LPCAT1: variants seen among roughly 807,000 people sequenced by gnomAD.
LPCAT1 encodes the protein 1-acylglycerol-3-phosphate O-acyltransferase.
Under a neutral mutation model 60.9 loss-of-function variants are expected in LPCAT1, and 23 were observed. That is an observed-to-expected ratio of 0.38 (90% confidence interval 0.27 to 0.53). The LOEUF is 0.53. LPCAT1 is among the 20% of genes least tolerant of loss of function. The pLI is 0.82. For synonymous variants in LPCAT1, 340 were observed against 301.1 expected, an observed-to-expected ratio of 1.13 and a Z score of -1.34; for missense variants, 622 against 723.6, an observed-to-expected ratio of 0.86 and a Z score of 1.61.
At position 1,523,169 on chromosome 5, in the gene LPCAT1, C is replaced by T. The variant is rs767047357; in HGVS notation, c.135+541G>A. 1.1e-4 allele frequency among the ~76,000 whole-genome samples: 16 copies of T among 151,866 alleles called. No individual in the cohort carries two copies. The highest frequency in any genetic ancestry group is 1.8e-4 in the Non-Finnish European group (12 of 67,906). ...CCCGCACCGCCCGCGCGCCCTGTCC[C>T]GGGCACCACCAGGCCCCGCACACGA... On this transcript the variant is annotated intron_variant, in intron 1 of 13. Coordinates refer to ENST00000283415, the MANE Select transcript of LPCAT1 (RefSeq NM_024830.5). The surrounding 1 kb of genome is among the most constrained non-coding windows in gnomAD (Gnocchi z 7.1).
In LPCAT1 at chr5:1,521,684, C is replaced by G. The variant is rs1014624790; in HGVS notation, c.135+2026G>C. 1.3e-5 allele frequency among the ~76,000 whole-genome samples: 2 copies of G among 152,196 alleles called. No homozygotes were observed. The highest frequency in any genetic ancestry group is 2.9e-5 in the Non-Finnish European group (2 of 68,032). ...CTCTGAAGTGGCAACAAAGCAAGCC[C>G]CCTCTCTGAGAGGCCCCAACACCTC... On this transcript the variant is annotated intron_variant, in intron 1 of 13. Coordinates refer to ENST00000283415, the MANE Select transcript of LPCAT1 (RefSeq NM_024830.5). The surrounding 1 kb of genome is among the most constrained non-coding windows in gnomAD (Gnocchi z 4.3).
intron 2 of LPCAT1, among the ~76,000 whole-genome samples, chr5:1,499,410 C>T (rs1241950276): frequency 6.6e-6 from 1 of 152,228 alleles, no homozygotes; most frequent in Non-Finnish European, 1.5e-5. Context: ...CTGCTTCACA[C>T]TACAGAACCC....
intron 1 of LPCAT1, among the ~76,000 whole-genome samples, chr5:1,514,339 G>A (rs116737947): frequency 0.077 from 11,696 of 152,320 alleles, 554 homozygotes; most frequent in African/African-American, 0.14. Flanking sequence ...ACAGCAGCAC[G>A]AGGGGCCATC....
chr5:1,485,418 C>T (rs1464556133), intron 5 of LPCAT1, among the ~76,000 whole-genome samples: 1 of 152,218 alleles, frequency 6.6e-6, no homozygotes, highest in Non-Finnish European at 1.5e-5. Flanking sequence ...CAAGATGAGG[C>T]AGTCAGAGCC....
chr5:1,515,220 G>T (rs371948986), intron 1 of LPCAT1, among the ~76,000 whole-genome samples: 40 of 147,972 alleles, frequency 2.7e-4, no homozygotes, highest in South Asian at 4.3e-4. Flanking sequence ...CCAGCCTGCC[G>T]GCCCTTCCTA....
intron 11 of LPCAT1, among the ~76,000 whole-genome samples, chr5:1,472,362 G>A (rs1734717765): frequency 6.6e-6 from 1 of 152,076 alleles, no homozygotes; most frequent in South Asian, 2.1e-4. Flanking sequence ...GGTCCCTGAA[G>A]GTCTTCTGAG....
chr5:1,522,126 G>A lies in LPCAT1; in HGVS notation c.135+1584C>T, dbSNP rs1261648933. ...CTGGGGCAGGAGCAGGGCTGGGGAA[G>A]CCCTGGAAACCACAGCAGGGGTTCG... On this transcript the variant is annotated intron_variant, in intron 1 of 13. Transcript: ENST00000283415. The surrounding 1 kb of genome is among the most constrained non-coding windows in gnomAD (Gnocchi z 6.8). Among the ~76,000 whole-genome samples the A allele has an allele frequency of 6.6e-6, 1 of 152,200 alleles. No homozygotes were observed. Among genetic ancestry groups the A allele is most frequent in the Non-Finnish European group, 1.5e-5 (1 of 68,030 alleles).
intron 1 of LPCAT1, among the ~76,000 whole-genome samples, chr5:1,501,952 G>T (rs1392676661): frequency 6.6e-6 from 1 of 152,060 alleles, no homozygotes; most frequent in Admixed American, 6.6e-5. Flanking sequence ...GACCAAGGCT[G>T]ACCGGCACTG....
intron 1 of LPCAT1, among the ~76,000 whole-genome samples, chr5:1,513,317 T>C (rs1462114732): frequency 1.3e-5 from 2 of 152,036 alleles, no homozygotes; most frequent in South Asian, 2.1e-4. Flanking sequence ...ACGTCCCCCA[T>C]GTCCAACCTG....
chr5:1,488,347 C>A (rs1314008697), intron 5 of LPCAT1, 44 bp downstream of exon 5: 1 of 1,230,222 alleles, frequency 8.1e-7, no homozygotes, highest in South Asian at 1.3e-5. Context: ...TTAATATTTT[C>A]CTTTTCTCTA....
At position 1,473,961 on chromosome 5, in the gene LPCAT1, TCGAA is replaced by T; in HGVS notation, c.1171_1174del (p.Phe391ThrfsTer65). The T allele has an allele frequency of 6.2e-7, 1 of 1,614,132 alleles. No homozygotes were observed. Among genetic ancestry groups the T allele is most frequent in the Non-Finnish European group, 8.5e-7 (1 of 1,180,006 alleles). Reference sequence around the variant, plus strand: ...TCCGCAGGCGACAGGCCCTACCTCGTCGAACAGTGAAAACATGTCTTCCAGCAAG... The same window carrying T: ...TCCGCAGGCGACAGGCCCTACCTCGTCAGTGAAAACATGTCTTCCAGCAAG... On this transcript the variant is annotated frameshift_variant, in exon 11 of 14. Coordinates refer to ENST00000283415, the MANE Select transcript of LPCAT1 (RefSeq NM_024830.5). LOFTEE classifies it high-confidence loss of function.
At chr5:1,520,755 C>T (rs1457647851) in intron 1 of LPCAT1, among the ~76,000 whole-genome samples, 1 of 149,754 alleles carries the variant, frequency 6.7e-6, no homozygotes, top group East Asian at 2.0e-4. Context: ...CCCAGCTACT[C>T]GGGAGGCTGA....
chr5:1,497,916 C>T (rs1451599387), intron 2 of LPCAT1, among the ~76,000 whole-genome samples: 2 of 152,180 alleles, frequency 1.3e-5, no homozygotes, highest in African/African-American at 4.8e-5. Flanking sequence ...AGGACTTGGC[C>T]CGTGGTCAAG....
rs1290152025 is a variant in LPCAT1, at chr5:1,523,923, C to CGGGGCGCGGGCCGA, written c.-93_-80dup. On this transcript the variant is annotated 5_prime_UTR_variant, in exon 1 of 14. Transcript: ENST00000283415. This position sits in a 1 kb window ranked among gnomAD's most constrained non-coding sequence, Gnocchi z 7.1. Reference sequence around the variant, plus strand: ...GCCGGGGCTAGCTGGGCGCGGGTCTCGGGGCGCGGGCCGAGGATGCGCGGC... The same window carrying CGGGGCGCGGGCCGA: ...GCCGGGGCTAGCTGGGCGCGGGTCTCGGGGCGCGGGCCGAGGGGCGCGGGCCGAGGATGCGCGGC... 34 of 950,548 alleles carry CGGGGCGCGGGCCGA rather than the reference C, an allele frequency of 3.6e-5. No homozygotes were observed. The African/African-American group carries it at 5.2e-4, about 15-fold the overall frequency. The allele number at this position is 950,548 out of a possible 1,614,324, so 58.9% of individuals were successfully genotyped here.
At chr5:1,464,875 A>ACG (rs1734278009) in intron 13 of LPCAT1, among the ~76,000 whole-genome samples, 1 of 69,346 alleles carries the variant, frequency 1.4e-5, no homozygotes, top group African/African-American at 5.6e-5. Context: ...ACATGCGTGT[A>ACG]CACACAAACA....
chr5:1,519,945 G>A (rs1246738547), intron 1 of LPCAT1, among the ~76,000 whole-genome samples: 1 of 152,212 alleles, frequency 6.6e-6, no homozygotes, highest in Non-Finnish European at 1.5e-5. Context: ...CGGGTACACT[G>A]CCCAGGGCTC....
In LPCAT1 at chr5:1,502,224, C is replaced by G. The variant is rs1736042256; in HGVS notation, c.136-621G>C. Among the ~76,000 whole-genome samples, 1 of 152,184 alleles carries G rather than the reference C, an allele frequency of 6.6e-6. No homozygotes were observed. Among genetic ancestry groups the G allele is most frequent in the Non-Finnish European group, 1.5e-5 (1 of 68,030 alleles). ...CTGACGCACAGCACACAACCCCAGG[C>G]AGCTCCACCCCGCAGGACGCACCCC... On this transcript the variant is annotated intron_variant, in intron 1 of 13. Transcript: ENST00000283415. The surrounding 1 kb of genome is among the most constrained non-coding windows in gnomAD (Gnocchi z 5.5).
Position 1,461,479 on chromosome 5 carries a change from C to G in LPCAT1, c.*2172G>C, listed in dbSNP as rs143847291. 189 of 152,554 alleles carry G rather than the reference C, an allele frequency of 1.2e-3. 1 individual carries two copies. The highest frequency in any genetic ancestry group is 4.4e-3 in the African/African-American group (183 of 41,592). 9.5% of individuals were successfully genotyped at this position (152,554 alleles called of 1,614,324 possible). A position where few individuals can be genotyped will look rare whatever the true frequency, so the allele number is the denominator to read the frequency against. Reference sequence around the variant, plus strand: ...TTATTCCATTGAAAATCCCAAGTTCCTTCATGGCAACCCTCCCTCTGCCCT... The same window carrying G: ...TTATTCCATTGAAAATCCCAAGTTCGTTCATGGCAACCCTCCCTCTGCCCT... On this transcript the variant is annotated 3_prime_UTR_variant, in exon 14 of 14. Coordinates refer to ENST00000283415, the MANE Select transcript of LPCAT1 (RefSeq NM_024830.5).
intron 1 of LPCAT1, among the ~76,000 whole-genome samples, chr5:1,512,986 C>T (rs945951850): frequency 6.6e-6 from 1 of 152,150 alleles, no homozygotes; most frequent in Non-Finnish European, 1.5e-5. Flanking sequence ...TGTGGGCCTG[C>T]GGGAAAAGGG....
Sources: allele counts gnomAD v4.1 joint callset (sites outside exome capture counted in the v4.1 genomes callset), GRCh38; gene constraint gnomAD v4.1.1; non-coding constraint Gnocchi (gnomAD v3.1); transcripts MANE v1.5; gene names NCBI Gene and HGNC (gene_info 2026-07-23, HGNC 2026-07-21).